The following CWC27 variants were observed in gnomAD, a reference collection of about 807,000 sequenced individuals.
CWC27 encodes spliceosome-associated protein CWC27 homolog.
Under a neutral mutation model 63.6 loss-of-function variants are expected in CWC27, and 47 were observed. The ratio of observed to expected loss-of-function variants is 0.74; its 90% CI spans 0.58 to 0.94. CWC27 has a LOEUF of 0.94. Among genes scored for constraint, CWC27 ranks in the 40% least tolerant of loss-of-function variants. The pLI, the probability that CWC27 is intolerant of heterozygous loss-of-function variation, is 0.00. For synonymous variants in CWC27, 175 were observed against 179.8 expected, an observed-to-expected ratio of 0.97 and a Z score of 0.22; for missense variants, 495 against 554.3, an observed-to-expected ratio of 0.89 and a Z score of 1.07.
chr5:64,855,023 C>T (rs1444355761), intron 10 of CWC27, among the ~76,000 whole-genome samples: 3 of 151,810 alleles, frequency 2.0e-5, no homozygotes, highest in Admixed American at 2.0e-4. Context: ...TTGCTTCCTC[C>T]CCTGCAATGC....
chr5:64,957,707 T>G (rs912879995), intron 11 of CWC27, among the ~76,000 whole-genome samples: 1 of 152,180 alleles, frequency 6.6e-6, no homozygotes, highest in Admixed American at 6.5e-5. Context: ...TAAGTTTATG[T>G]AGTAGACCCA....
chr5:65,008,885 G>A (rs978756745), intron 13 of CWC27, among the ~76,000 whole-genome samples: 1 of 152,082 alleles, frequency 6.6e-6, no homozygotes, highest in Admixed American at 6.5e-5. Context: ...AAGTGAGTTG[G>A]GATCAAATAA....
At chr5:64,805,165 G>T (rs1744619324) in intron 10 of CWC27, among the ~76,000 whole-genome samples, 1 of 151,434 alleles carries the variant, frequency 6.6e-6, no homozygotes, top group African/African-American at 2.4e-5. Flanking sequence ...ACTTAAAAAG[G>T]ATTTCCACGC....
intron 13 of CWC27, among the ~76,000 whole-genome samples, chr5:65,008,136 GACTTT>G (rs1749884637): frequency 6.6e-6 from 1 of 152,142 alleles, no homozygotes; most frequent in African/African-American, 2.4e-5. Flanking sequence ...ATAAATTTTG[GACTTT>G]ACTTAATAAC....
chr5:64,848,840 A>C (rs1393603844), intron 10 of CWC27, among the ~76,000 whole-genome samples: 1 of 152,178 alleles, frequency 6.6e-6, no homozygotes, highest in African/African-American at 2.4e-5. Flanking sequence ...GTGCCTCAAC[A>C]CAATAAAAAC....
chr5:64,841,922 C>T (rs71626557), intron 10 of CWC27, among the ~76,000 whole-genome samples: 7 of 152,166 alleles, frequency 4.6e-5, no homozygotes, highest in Non-Finnish European at 7.4e-5. Context: ...TCAGGTTATC[C>T]GCTCACCTTG....
At chr5:64,970,412 C>T (rs1749102646) in intron 11 of CWC27, among the ~76,000 whole-genome samples, 1 of 151,826 alleles carries the variant, frequency 6.6e-6, no homozygotes, top group South Asian at 2.1e-4. Flanking sequence ...TGGGGTTTCA[C>T]CGTGCTAGCC....
At chr5:65,011,348 C>T (rs1749952625) in intron 13 of CWC27, among the ~76,000 whole-genome samples, 1 of 152,102 alleles carries the variant, frequency 6.6e-6, no homozygotes, top group Non-Finnish European at 1.5e-5. Flanking sequence ...CTCTGCAAGA[C>T]CAGAAGAGGG....
chr5:64,988,918 G>A (rs1229675339), intron 13 of CWC27, among the ~76,000 whole-genome samples: 1 of 152,096 alleles, frequency 6.6e-6, no homozygotes, highest in East Asian at 1.9e-4. Flanking sequence ...CTATCTTTTA[G>A]TTAAGTTCTC....
At chr5:64,838,777 A>G (rs1029071866) in intron 10 of CWC27, among the ~76,000 whole-genome samples, 1 of 152,236 alleles carries the variant, frequency 6.6e-6, no homozygotes. Context: ...TGATTATTTT[A>G]TGTTAGAGAA....
Position 64,823,688 on chromosome 5 carries a change from A to G in CWC27, c.938+19302A>G, listed in dbSNP as rs189307828. Reference sequence around the variant, plus strand: ...TAGTATAAACAGACTGAGCACTCTAAATACATAGGGAATCTCTGTAAAATG... The same window carrying G: ...TAGTATAAACAGACTGAGCACTCTAGATACATAGGGAATCTCTGTAAAATG... On this transcript the variant is annotated intron_variant, in intron 10 of 13. Transcript: ENST00000381070. Among the ~76,000 whole-genome samples the G allele has an allele frequency of 5.9e-5, 9 of 152,342 alleles. No homozygotes were observed. In the East Asian group the frequency reaches 1.7e-3, roughly 29 times the overall value.
In CWC27 at chr5:64,841,537, T is replaced by C. The variant is rs143657834; in HGVS notation, c.938+37151T>C. The stretch of plus-strand genomic sequence containing the variant: ...TAGAAATTTGAAAGTCATCCTGAAG[T>C]CTTATTTCTGTAATATCTATCACTA... On this transcript the variant is annotated intron_variant, in intron 10 of 13. Transcript: ENST00000381070. Among the ~76,000 whole-genome samples, 77 of 152,284 alleles carry C rather than the reference T, an allele frequency of 5.1e-4. 1 individual carries two copies. The East Asian group carries it at 0.012, about 24-fold the overall frequency.
intron 10 of CWC27, among the ~76,000 whole-genome samples, chr5:64,847,641 C>T (rs1746024600): frequency 6.6e-6 from 1 of 152,082 alleles, no homozygotes; most frequent in Non-Finnish European, 1.5e-5. Context: ...AAATAAGCCC[C>T]AGCAAATTTA....
chr5:64,874,154 C>CTTTT (rs748768571), intron 10 of CWC27, among the ~76,000 whole-genome samples: 1 of 48,800 alleles, frequency 2.0e-5, no homozygotes, highest in African/African-American at 8.6e-5. Context: ...ATTGTTGATG[C>CTTTT]TTTTTTTTTT....
chr5:64,843,773 G>A (rs1745905323), intron 10 of CWC27, among the ~76,000 whole-genome samples: 1 of 151,922 alleles, frequency 6.6e-6, no homozygotes, highest in Non-Finnish European at 1.5e-5. Flanking sequence ...TTATAGTGCT[G>A]GAAAATCAAA....
At chr5:64,853,155 A>G (rs1374169966) in intron 10 of CWC27, among the ~76,000 whole-genome samples, 2 of 152,224 alleles carry the variant, frequency 1.3e-5, no homozygotes, top group Non-Finnish European at 2.9e-5. Flanking sequence ...AACAATATGG[A>G]AAAACTTTCT....
intron 10 of CWC27, among the ~76,000 whole-genome samples, chr5:64,814,855 G>A (rs1229604451): frequency 6.6e-6 from 1 of 152,158 alleles, no homozygotes; most frequent in East Asian, 1.9e-4. Context: ...AGTCCAGGGA[G>A]AAGTAATAAG....
intron 7 of CWC27, 24 bp downstream of exon 7, chr5:64,789,044 T>C: frequency 6.5e-7 from 1 of 1,536,466 alleles, no homozygotes. Flanking sequence ...TGCCCTTTGT[T>C]CTAACTTACA....
chr5:65,011,912 CA>C (rs1175053101), intron 13 of CWC27, among the ~76,000 whole-genome samples: 1 of 152,134 alleles, frequency 6.6e-6, no homozygotes, highest in East Asian at 1.9e-4. Context: ...TTTCAGATAG[CA>C]CTGATTAAAG....
Sources: allele counts gnomAD v4.1 joint callset (sites outside exome capture counted in the v4.1 genomes callset), GRCh38; gene constraint gnomAD v4.1.1; transcripts MANE v1.5; gene names NCBI Gene and HGNC (gene_info 2026-07-23, HGNC 2026-07-21).